The following SLC22A24 variants were observed in gnomAD, a reference collection of about 807,000 sequenced individuals.
SLC22A24 encodes the protein steroid transmembrane transporter SLC22A24.
A neutral mutation model predicts 49.8 loss-of-function variants in SLC22A24; 53 were observed. The observed-to-expected ratio is 1.06, with a 90% confidence interval of 0.85 to 1.34. The LOEUF (loss-of-function observed/expected upper bound fraction) is 1.34. Among genes scored for constraint, SLC22A24 ranks in the 40% most tolerant of loss-of-function variants. The pLI is 0.00. For synonymous variants in SLC22A24, 302 were observed against 256.4 expected, an observed-to-expected ratio of 1.18 and a Z score of -1.70; for missense variants, 786 against 675.9, an observed-to-expected ratio of 1.16 and a Z score of -1.81.
intron 9 of SLC22A24, among the ~76,000 whole-genome samples, chr11:63,080,378 T>G (rs1262910585): frequency 3.3e-5 from 5 of 152,234 alleles, no homozygotes; most frequent in African/African-American, 1.2e-4. Flanking sequence ...CAAATTTGCC[T>G]AAATCTCAGA....
Position 63,133,668 on chromosome 11 carries a change from G to A in SLC22A24, c.506+997C>T, listed in dbSNP as rs149095173. ...TCTTTTTTCTTTTTTTTCAGACAGT[G>A]TCTCGCTTTGTTGCCCAGGCCAGAG... On this transcript the variant is annotated intron_variant, in intron 2 of 9. Transcript: ENST00000612278. Among the ~76,000 whole-genome samples the A allele has an allele frequency of 2.3e-3, 349 of 151,590 alleles. 1 individual carries two copies. The highest frequency in any genetic ancestry group is 7.4e-3 in the African/African-American group (307 of 41,318).
intron 5 of SLC22A24, 84 bp from the exon 6 acceptor site, chr11:63,096,190 G>A: frequency 1.2e-6 from 1 of 856,886 alleles, no homozygotes. Flanking sequence ...GAACAAGATA[G>A]ACATATTGTA....
Position 63,119,282 on chromosome 11 carries a change from T to C in SLC22A24, c.560A>G (p.Asn187Ser). The change falls in exon 3 of 10, where the codon AAC (asparagine) becomes AGC (serine). Residue 187 changes from asparagine to serine, a missense_variant. Coordinates refer to ENST00000612278, the MANE Select transcript of SLC22A24 (RefSeq NM_001136506.2). Reference protein sequence around the residue: ...KLCFLQLAISNTCAAFAPTFL... With the variant: ...KLCFLQLAISSTCAAFAPTFL... Reference sequence around the variant, plus strand: ...GGTGGGAGCGAAGGCCGCACAGGTGTTAGAGATGGCCAGCTGGAGGAAACA... The same window carrying C: ...GGTGGGAGCGAAGGCCGCACAGGTGCTAGAGATGGCCAGCTGGAGGAAACA... 6.4e-7 allele frequency: 1 copy of C among 1,551,218 alleles called. No homozygotes were observed. The highest frequency in any genetic ancestry group is 8.7e-7 in the Non-Finnish European group (1 of 1,146,776).
intron 4 of SLC22A24, among the ~76,000 whole-genome samples, chr11:63,105,289 A>G (rs2087113942): frequency 6.6e-6 from 1 of 152,110 alleles, no homozygotes; most frequent in African/African-American, 2.4e-5. Context: ...GGGGATCCAG[A>G]GGACAGTGGC....
At chr11:63,131,415 C>T (rs562753103) in intron 2 of SLC22A24, among the ~76,000 whole-genome samples, 4 of 152,138 alleles carry the variant, frequency 2.6e-5, no homozygotes, top group African/African-American at 9.7e-5. Flanking sequence ...GTGGCTGGTA[C>T]TGGTTGTTCC....
At chr11:63,132,824 C>T (rs545779261) in intron 2 of SLC22A24, among the ~76,000 whole-genome samples, 34 of 152,300 alleles carry the variant, frequency 2.2e-4, no homozygotes, top group African/African-American at 7.7e-4. Context: ...GAGAGAACCA[C>T]TGGTCTCTTC....
At chr11:63,110,894 G>T (rs2087158415) in intron 4 of SLC22A24, among the ~76,000 whole-genome samples, 1 of 149,974 alleles carries the variant, frequency 6.7e-6, no homozygotes, top group Admixed American at 6.7e-5. Context: ...TGTTGAATAG[G>T]AGTGGTGAGA....
At chr11:63,131,556 G>A (rs772774472) in intron 2 of SLC22A24, among the ~76,000 whole-genome samples, 164 of 152,104 alleles carry the variant, frequency 1.1e-3, no homozygotes, top group Non-Finnish European at 1.9e-3. Context: ...TTGGCGGGAC[G>A]TGAAATTCTG....
intron 2 of SLC22A24, among the ~76,000 whole-genome samples, chr11:63,120,270 A>G (rs1022629493): frequency 1.3e-4 from 17 of 129,428 alleles, no homozygotes; most frequent in Non-Finnish European, 2.5e-4. Flanking sequence ...ACATGGACAC[A>G]GGAAGGGGAA....
At chr11:63,104,436 C>T in intron 4 of SLC22A24, 138 bp from the exon 5 acceptor site, 1 of 857,646 alleles carries the variant, frequency 1.2e-6, no homozygotes, top group Non-Finnish European at 1.7e-6. Context: ...AAATTGGCCT[C>T]CTCTGCTGGA....
intron 2 of SLC22A24, 140 bp from the exon 3 acceptor site, chr11:63,119,475 T>A (rs1590743570): frequency 2.5e-6 from 2 of 802,326 alleles, no homozygotes; most frequent in East Asian, 2.8e-5. Flanking sequence ...GGCATAATTA[T>A]ATTAGTGAGC....
At chr11:63,116,946 A>G (rs1463589110) in intron 4 of SLC22A24, among the ~76,000 whole-genome samples, 1 of 143,826 alleles carries the variant, frequency 7.0e-6, no homozygotes, top group African/African-American at 2.5e-5. Context: ...ATCTTCAATG[A>G]TGTTTTCTAT....
intron 2 of SLC22A24, among the ~76,000 whole-genome samples, chr11:63,125,371 T>C (rs1035614584): frequency 6.6e-6 from 1 of 152,168 alleles, no homozygotes; most frequent in Non-Finnish European, 1.5e-5. Context: ...TGTGTTCTCA[T>C]TGTTCAACTC....
chr11:63,111,168 T>A (rs1378500029), intron 4 of SLC22A24, among the ~76,000 whole-genome samples: 1 of 152,124 alleles, frequency 6.6e-6, no homozygotes, highest in Non-Finnish European at 1.5e-5. Context: ...TTTGTGTATG[T>A]TGAACCAGCC....
In SLC22A24 at chr11:63,113,069, CATATATATACACATATATATACAT is replaced by C. The variant is rs2087181290; in HGVS notation, c.830+5819_830+5842del. Among the ~76,000 whole-genome samples, 3 of 1,768 alleles carry C rather than the reference CATATATATACACATATATATACAT, an allele frequency of 1.7e-3. 1 individual carries two copies. Among genetic ancestry groups the C allele is most frequent in the African/African-American group, 1.9e-3 (3 of 1,554 alleles). 1.2% of individuals were successfully genotyped at this position (1,768 alleles called of 152,430 possible). On this transcript the variant is annotated intron_variant, in intron 4 of 9. Coordinates refer to ENST00000612278, the MANE Select transcript of SLC22A24 (RefSeq NM_001136506.2). ...ATATATATATACATATATATATATA[CATATATATACACATATATATACAT>C]ATATATATACATATATATACACATA...
intron 6 of SLC22A24, among the ~76,000 whole-genome samples, chr11:63,095,515 A>G (rs1383742883): frequency 6.6e-6 from 1 of 152,172 alleles, no homozygotes; most frequent in Non-Finnish European, 1.5e-5. Flanking sequence ...ATCTGCAGGG[A>G]TAGCAGTAAG....
chr11:63,122,879 G>C (rs2087261951), intron 2 of SLC22A24, among the ~76,000 whole-genome samples: 1 of 152,220 alleles, frequency 6.6e-6, no homozygotes, highest in East Asian at 1.9e-4. Context: ...ATATAGTGAT[G>C]TTTCAATACT....
At chr11:63,086,886 C>T (rs2086989744) in intron 6 of SLC22A24, among the ~76,000 whole-genome samples, 2 of 151,964 alleles carry the variant, frequency 1.3e-5, no homozygotes, top group South Asian at 4.1e-4. Flanking sequence ...ATACACAATA[C>T]AATTTGTTAA....
chr11:63,136,571 C>G (rs1269753117), intron 1 of SLC22A24, among the ~76,000 whole-genome samples: 3 of 152,246 alleles, frequency 2.0e-5, no homozygotes, highest in Non-Finnish European at 4.4e-5. Flanking sequence ...TGTTTTGAGG[C>G]TGATTTGAGT....
Sources: gnomAD v4.1 joint callset for allele counts (sites outside exome capture counted in the v4.1 genomes callset) on GRCh38, gnomAD v4.1.1 for gene constraint, MANE v1.5 for transcripts, NCBI Gene and HGNC (gene_info 2026-07-23, HGNC 2026-07-21) for gene names.